Variants in ZDHHC11 observed in about 807,000 individuals in gnomAD.
ZDHHC11 encodes palmitoyltransferase ZDHHC11.
In ZDHHC11, 44 loss-of-function variants were observed where a neutral mutation model predicts 51.3. The observed-to-expected ratio is 0.86, with a 90% CI of 0.67 to 1.10. The LOEUF is 1.10. Among genes scored for constraint, ZDHHC11 ranks in the 50% least tolerant of loss-of-function variants. The pLI, the probability that ZDHHC11 is intolerant of heterozygous loss-of-function variation, is 0.00. For synonymous variants in ZDHHC11, 163 were observed against 222.0 expected, an observed-to-expected ratio of 0.73 and a Z score of 2.36; for missense variants, 400 against 537.7, an observed-to-expected ratio of 0.74 and a Z score of 2.53.
intron 12 of ZDHHC11, among the ~76,000 whole-genome samples, chr5:798,131 G>A (rs1243469053): frequency 1.7e-3 from 252 of 148,912 alleles, no homozygotes; most frequent in African/African-American, 6.2e-3. Context: ...TGAGGGTACC[G>A]CCCTCTGGGG....
Position 806,388 on chromosome 5 carries a change from A to C in ZDHHC11, c.1182-5224T>G, listed in dbSNP as rs1370540714. Reference sequence around the variant, plus strand: ...GATCTCTACCTCACACCATACACTGAAATCAACCAAAGATAAAGTCTTAGC... The same window carrying C: ...GATCTCTACCTCACACCATACACTGCAATCAACCAAAGATAAAGTCTTAGC... On this transcript the variant is annotated intron_variant, in intron 11 of 12. Coordinates refer to ENST00000283441, the MANE Select transcript of ZDHHC11 (RefSeq NM_024786.3). Among the ~76,000 whole-genome samples, 36 of 151,298 alleles carry C rather than the reference A, an allele frequency of 2.4e-4. 2 individuals are homozygous for C. Among genetic ancestry groups the C allele is most frequent in the African/African-American group, 8.5e-4 (35 of 41,118 alleles).
At chr5:837,888 C>G (rs1456572927) in intron 5 of ZDHHC11, among the ~76,000 whole-genome samples, 5 of 151,936 alleles carry the variant, frequency 3.3e-5, no homozygotes, top group Non-Finnish European at 7.4e-5. Flanking sequence ...TCAGGAGGGG[C>G]CGCTCTGTCT....
At chr5:838,489 G>A (rs1181993133) in intron 5 of ZDHHC11, among the ~76,000 whole-genome samples, 1 of 152,016 alleles carries the variant, frequency 6.6e-6, no homozygotes, top group Non-Finnish European at 1.5e-5. Flanking sequence ...GGAGCTGCCT[G>A]TGGCCAGCCC....
intron 11 of ZDHHC11, among the ~76,000 whole-genome samples, chr5:807,535 C>G (rs1739447473): frequency 6.6e-6 from 1 of 151,482 alleles, no homozygotes; most frequent in South Asian, 2.1e-4. Context: ...AAGGATGAAT[C>G]TGTTCCCACC....
At chr5:824,657 C>G (rs1244521861) in intron 8 of ZDHHC11, among the ~76,000 whole-genome samples, 23 of 151,286 alleles carry the variant, frequency 1.5e-4, no homozygotes, top group African/African-American at 4.6e-4. Flanking sequence ...CACACATAAC[C>G]ACACCCCCCC....
intron 3 of ZDHHC11, among the ~76,000 whole-genome samples, chr5:844,843 A>G (rs1388972601): frequency 6.6e-6 from 1 of 152,310 alleles, no homozygotes; most frequent in South Asian, 2.1e-4. Context: ...TTTGCTCAAA[A>G]GATGCAGAGA....
intron 11 of ZDHHC11, among the ~76,000 whole-genome samples, chr5:803,733 G>T (rs905493023): frequency 6.6e-6 from 1 of 150,818 alleles, no homozygotes; most frequent in Non-Finnish European, 1.5e-5. Context: ...TAAACTACAG[G>T]AAGTCACTGA....
chr5:843,332 C>A (rs544349854), intron 4 of ZDHHC11: 69 of 570,390 alleles, frequency 1.2e-4, no homozygotes, highest in African/African-American at 1.2e-3. Context: ...AGAGGTGGAC[C>A]CCACTGTCTC....
intron 3 of ZDHHC11, among the ~76,000 whole-genome samples, chr5:844,845 A>G (rs2150428279): frequency 6.6e-6 from 1 of 152,422 alleles, no homozygotes; most frequent in Non-Finnish European, 1.5e-5. Flanking sequence ...TGCTCAAAAG[A>G]TGCAGAGAAT....
chr5:855,978 C>T (rs977521332), upstream of ZDHHC11, among the ~76,000 whole-genome samples: 3 of 151,974 alleles, frequency 2.0e-5, no homozygotes, highest in Non-Finnish European at 4.4e-5. Flanking sequence ...GGGCACAGAC[C>T]CCGCGGAGGA....
At chr5:808,760 C>T (rs1295289644) in intron 11 of ZDHHC11, among the ~76,000 whole-genome samples, 2 of 144,882 alleles carry the variant, frequency 1.4e-5, no homozygotes, top group African/African-American at 5.0e-5. Flanking sequence ...TGCAGTGGCA[C>T]AATCTCGGCT....
intron 11 of ZDHHC11, among the ~76,000 whole-genome samples, chr5:802,836 A>C (rs1419065160): frequency 2.8e-4 from 19 of 68,700 alleles, no homozygotes; most frequent in African/African-American, 1.2e-3. Context: ...AAAAAAAAAA[A>C]AAAAAAAAAA....
chr5:835,476 C>T (rs1743701556), intron 6 of ZDHHC11, among the ~76,000 whole-genome samples: 1 of 151,778 alleles, frequency 6.6e-6, no homozygotes, highest in Admixed American at 6.6e-5. Context: ...GTCAGCGCCA[C>T]CTGTCTTTAG....
chr5:846,860 G>GCCCATC (rs1746287430), intron 3 of ZDHHC11, among the ~76,000 whole-genome samples: 4 of 116,570 alleles, frequency 3.4e-5, no homozygotes, highest in African/African-American at 1.2e-4. Flanking sequence ...AACACCTCTC[G>GCCCATC]TTCTTGCACC....
upstream of ZDHHC11, among the ~76,000 whole-genome samples, chr5:854,824 G>A (rs13186116): frequency 6.3e-5 from 9 of 141,806 alleles, no homozygotes; most frequent in African/African-American, 1.6e-4. Flanking sequence ...AGAGGACAGC[G>A]AGCCGGGGGG....
At chr5:819,937 T>G (rs188873735) in intron 9 of ZDHHC11, among the ~76,000 whole-genome samples, 2,427 of 151,284 alleles carry the variant, frequency 0.016, 116 homozygotes, top group African/African-American at 0.052. Context: ...TGGTCTACAC[T>G]GGGCTACAAG....
At position 827,946 on chromosome 5, in the gene ZDHHC11, T is replaced by G. The variant is rs575904126; in HGVS notation, c.936-2695A>C. The stretch of plus-strand genomic sequence containing the variant: ...ATTAGGGAGTGGTGATGACTCTTAA[T>G]GAGCATGCTGCCTTCAAGCATCTGT... On this transcript the variant is annotated intron_variant, in intron 7 of 12. Coordinates refer to ENST00000283441, the MANE Select transcript of ZDHHC11 (RefSeq NM_024786.3). Among the ~76,000 whole-genome samples the G allele has an allele frequency of 2.8e-4, 42 of 151,010 alleles. 1 individual carries two copies. Among genetic ancestry groups the G allele is most frequent in the Admixed American group, 2.5e-3 (38 of 15,244 alleles).
chr5:814,912 T>C lies in ZDHHC11; in HGVS notation c.1147-117A>G, dbSNP rs1465151632. 11 of 1,068,084 alleles carry C rather than the reference T, an allele frequency of 1.0e-5. 1 individual carries two copies. The highest frequency in any genetic ancestry group is 1.3e-5 in the Non-Finnish European group (10 of 782,724). 66.2% of individuals were successfully genotyped at this position (1,068,084 alleles called of 1,614,324 possible). On this transcript the variant is annotated intron_variant, in intron 10 of 12. Transcript: ENST00000283441. ...GTTCTGAGTAATGGTACTTCAAGAATGCCTGGATCATGGAATAGGATCTCA... is the reference window on the plus strand; with the variant it reads ...GTTCTGAGTAATGGTACTTCAAGAACGCCTGGATCATGGAATAGGATCTCA...
upstream of ZDHHC11, among the ~76,000 whole-genome samples, chr5:852,313 C>T (rs1747346238): frequency 6.6e-6 from 1 of 152,262 alleles, no homozygotes; most frequent in African/African-American, 2.4e-5. Context: ...GGAGACAACA[C>T]GTTCATCTGT....
Sources: gnomAD v4.1 joint callset for allele counts (sites outside exome capture counted in the v4.1 genomes callset) on GRCh38, gnomAD v4.1.1 for gene constraint, MANE v1.5 for transcripts, NCBI Gene and HGNC (gene_info 2026-07-23, HGNC 2026-07-21) for gene names.